The following ARHGEF4 variants were observed in gnomAD, a reference collection of about 807,000 sequenced individuals.
The protein encoded by ARHGEF4 is Rho guanine nucleotide exchange factor 4.
ARHGEF4 carries 119 observed loss-of-function variants against 162.0 expected under a neutral mutation model. That is an observed-to-expected ratio of 0.73 (90% CI 0.63 to 0.86). The LOEUF is 0.86. ARHGEF4 is among the 40% of genes least tolerant of loss of function. The pLI is 0.00. For missense variants in ARHGEF4, 2,488 were observed against 2,456.0 expected, an observed-to-expected ratio of 1.01 and a Z score of -0.28; for synonymous variants, 1,014 against 979.9, an observed-to-expected ratio of 1.03 and a Z score of -0.65.
intron 4 of ARHGEF4, among the ~76,000 whole-genome samples, chr2:130,947,425 C>T (rs1683692907): frequency 6.6e-6 from 1 of 151,960 alleles, no homozygotes; most frequent in Admixed American, 6.6e-5. Context: ...TTCCTAGAGT[C>T]CCCCAGCTTG....
chr2:131,036,933 T>C (rs565720696), intron 5 of ARHGEF4, among the ~76,000 whole-genome samples: 1 of 152,286 alleles, frequency 6.6e-6, no homozygotes, highest in East Asian at 1.9e-4. Flanking sequence ...CTCCCCACTG[T>C]GGCTGGTGGG....
intron 4 of ARHGEF4, among the ~76,000 whole-genome samples, chr2:131,013,871 G>C (rs2105338199): frequency 6.6e-6 from 1 of 152,318 alleles, no homozygotes; most frequent in African/African-American, 2.4e-5. Context: ...AAAGTGCTGA[G>C]ATTACAGGCG....
chr2:131,046,285 G>GC lies in ARHGEF4; in HGVS notation c.*97dup. 3.1e-6 allele frequency: 4 copies of GC among 1,301,622 alleles called. No individual in the cohort carries two copies. Among genetic ancestry groups the GC allele is most frequent in the Non-Finnish European group, 4.2e-6 (4 of 944,748 alleles). The allele number at this position is 1,301,622 out of a possible 1,614,324, so 80.6% of individuals were successfully genotyped here. A position where few individuals can be genotyped will look rare whatever the true frequency, so the allele number is the denominator to read the frequency against. ...CACTCGGCCTGGCCTTCCTCTGCCT[G>GC]CAAGTGAGCAGGGATGGGCTGGGGA... On this transcript the variant is annotated 3_prime_UTR_variant, in exon 14 of 14. Coordinates refer to ENST00000409359, the MANE Select transcript of ARHGEF4 (RefSeq NM_001367493.1).
intron 1 of ARHGEF4, among the ~76,000 whole-genome samples, chr2:130,902,551 G>A (rs1327137575): frequency 6.6e-6 from 1 of 150,658 alleles, no homozygotes; most frequent in Non-Finnish European, 1.5e-5. Flanking sequence ...CCGAGATAGC[G>A]CCACTGCACT....
chr2:130,876,428 G>A (rs1056685574), intron 1 of ARHGEF4, among the ~76,000 whole-genome samples: 1 of 152,180 alleles, frequency 6.6e-6, no homozygotes, highest in African/African-American at 2.4e-5. Context: ...CAGAGTCTCT[G>A]TCACCCAGGC....
In ARHGEF4 at chr2:130,916,255, C is replaced by T. The variant is rs763129110; in HGVS notation, c.2309C>T (p.Pro770Leu). Reference sequence around the variant, plus strand: ...GCCCGGGGCCAGCGCCCCCGCGTCCCCGCCTTGGAGCCGCCCCAGCCGCCA... The same window carrying T: ...GCCCGGGGCCAGCGCCCCCGCGTCCTCGCCTTGGAGCCGCCCCAGCCGCCA... ...AAARGQRPRV[P>L]ALEPPQPPRG... Residue 770 changes from proline (P) to leucine (L), a missense_variant, in exon 2 of 14, where the codon CCC becomes CTC. This residue lies in a region of ARHGEF4 where 1,642 missense variants were observed against 1,481.5 expected (regional missense o/e 1.11). Coordinates refer to ENST00000409359, the MANE Select transcript of ARHGEF4 (RefSeq NM_001367493.1). The T allele has an allele frequency of 1.3e-6, 2 of 1,526,630 alleles. No homozygotes were observed. Among genetic ancestry groups the T allele is most frequent in the South Asian group, 1.2e-5 (1 of 80,808 alleles). The allele number at this position is 1,526,630 out of a possible 1,614,324, so 94.6% of individuals were successfully genotyped here.
intron 5 of ARHGEF4, among the ~76,000 whole-genome samples, chr2:131,028,859 T>G (rs1689649570): frequency 6.6e-6 from 1 of 152,218 alleles, no homozygotes; most frequent in Admixed American, 6.5e-5. Flanking sequence ...AAAACTGGAC[T>G]CTGACAACCC....
chr2:130,966,039 G>T (rs572563313), intron 4 of ARHGEF4, among the ~76,000 whole-genome samples: 1 of 152,302 alleles, frequency 6.6e-6, no homozygotes, highest in African/African-American at 2.4e-5. Flanking sequence ...GCCCCTCACA[G>T]ACACTGCACC....
intron 4 of ARHGEF4, among the ~76,000 whole-genome samples, chr2:130,953,833 C>T (rs1684104834): frequency 6.6e-6 from 1 of 152,150 alleles, no homozygotes; most frequent in Non-Finnish European, 1.5e-5. Context: ...CAGAGAAATG[C>T]AAATCAAAAC....
intron 1 of ARHGEF4, among the ~76,000 whole-genome samples, chr2:130,910,913 G>GATTGCCA (rs34135181): frequency 2.0e-5 from 3 of 152,224 alleles, no homozygotes; most frequent in Non-Finnish European, 2.9e-5. Context: ...CAAGATAATG[G>GATTGCCA]ACATACCACA....
At chr2:130,902,634 GGAAAA>G (rs1316450210) in intron 1 of ARHGEF4, among the ~76,000 whole-genome samples, 1 of 148,184 alleles carries the variant, frequency 6.7e-6, no homozygotes, top group Admixed American at 6.7e-5. Context: ...GAAGAAAAAA[GGAAAA>G]GAAAAGAAAA....
intron 4 of ARHGEF4, among the ~76,000 whole-genome samples, chr2:130,973,645 A>G (rs1213797745): frequency 6.6e-6 from 1 of 152,220 alleles, no homozygotes; most frequent in Non-Finnish European, 1.5e-5. Flanking sequence ...AGCTTCCCAT[A>G]CAGCATAACA....
chr2:130,878,828 C>G (rs72855924), intron 1 of ARHGEF4, among the ~76,000 whole-genome samples: 3,185 of 152,304 alleles, frequency 0.021, 96 homozygotes, highest in East Asian at 0.12. Context: ...TTGACGGGTT[C>G]TTTGCAGCTG....
chr2:131,017,626 T>C (rs541469738), intron 4 of ARHGEF4, among the ~76,000 whole-genome samples: 29 of 152,136 alleles, frequency 1.9e-4, no homozygotes, highest in African/African-American at 7.0e-4. Context: ...CGAGAGACCA[T>C]TGCTTTTAAA....
chr2:130,866,511 G>A (rs903484714), intron 1 of ARHGEF4, among the ~76,000 whole-genome samples: 1 of 152,182 alleles, frequency 6.6e-6, no homozygotes, highest in African/African-American at 2.4e-5. Flanking sequence ...GATGTTAGCC[G>A]TGGGTTTCGT....
chr2:130,923,077 C>A (rs926463485), intron 2 of ARHGEF4, among the ~76,000 whole-genome samples: 4 of 151,440 alleles, frequency 2.6e-5, no homozygotes, highest in African/African-American at 9.7e-5. Context: ...ACTACAGGCG[C>A]GAGCCACAAC....
intron 4 of ARHGEF4, among the ~76,000 whole-genome samples, chr2:130,985,378 C>G (rs796088199): frequency 1.3e-5 from 2 of 152,130 alleles, no homozygotes; most frequent in Non-Finnish European, 2.9e-5. Flanking sequence ...GCTCACCACA[C>G]AGAAAACCAA....
chr2:131,044,433 C>A lies in ARHGEF4; in HGVS notation c.5292C>A (p.Gly1764=). Residue 1764 remains glycine (G), a synonymous_variant, in exon 12 of 14, where the codon GGC becomes GGA. Coordinates refer to ENST00000409359, the MANE Select transcript of ARHGEF4 (RefSeq NM_001367493.1). The stretch of plus-strand genomic sequence containing the variant: ...AGAACGCCTTCCGGCTGCACCGTGG[C>A]GCCACAGGGGACAGCCACCTGCTGT... ...SIKNAFRLHR[G]ATGDSHLLCT... 6.4e-7 allele frequency: 1 copy of A among 1,563,934 alleles called. No homozygotes were observed. Among genetic ancestry groups the A allele is most frequent in the Non-Finnish European group, 8.7e-7 (1 of 1,154,116 alleles).
intron 4 of ARHGEF4, among the ~76,000 whole-genome samples, chr2:130,957,334 A>T (rs768342816): frequency 1.6e-4 from 24 of 152,130 alleles, no homozygotes; most frequent in Non-Finnish European, 3.4e-4. Context: ...ACATAGATGA[A>T]CTTCAAAACA....
Sources: gnomAD v4.1 joint callset for allele counts (sites outside exome capture counted in the v4.1 genomes callset) on GRCh38, gnomAD v4.1.1 for gene constraint, gnomAD v4.1.1 regional missense constraint, MANE v1.5 for transcripts, NCBI Gene and HGNC (gene_info 2026-07-23, HGNC 2026-07-21) for gene names.